SULT4A1: variants seen among roughly 807,000 people sequenced by gnomAD.
SULT4A1 encodes sulfotransferase family 4A member 1.
A neutral mutation model predicts 35.2 loss-of-function variants in SULT4A1; 11 were observed. The ratio of observed to expected loss-of-function variants is 0.31; its 90% CI spans 0.20 to 0.52. SULT4A1 has a LOEUF of 0.52. SULT4A1 is among the 20% of genes least tolerant of loss of function. The probability of loss-of-function intolerance (pLI) is 0.97; values close to 1 mark genes in which losing one functional copy is unlikely to be tolerated. For synonymous variants in SULT4A1, 152 were observed against 151.8 expected (o/e 1.00, Z -0.01); for missense variants, 271 against 383.7 (o/e 0.71, Z 2.45).
At chr22:43,858,618 G>C (rs535900518) in intron 1 of SULT4A1, among the ~76,000 whole-genome samples, 1 of 152,278 alleles carries the variant, frequency 6.6e-6, no homozygotes, top group South Asian at 2.1e-4. Flanking sequence ...GGAACACTTT[G>C]TTACCCTGTG....
chr22:43,830,698 G>A (rs2063319092), intron 5 of SULT4A1, among the ~76,000 whole-genome samples: 1 of 152,220 alleles, frequency 6.6e-6, no homozygotes, highest in Admixed American at 6.5e-5. Flanking sequence ...AGATGACTGA[G>A]GATGAAGTGG....
intron 3 of SULT4A1, 83 bp downstream of exon 3, chr22:43,839,862 G>A (rs1465548560): frequency 6.0e-6 from 8 of 1,324,276 alleles, no homozygotes; most frequent in Admixed American, 2.0e-5. Flanking sequence ...TAAGTGCCAG[G>A]GACCTGCATG....
chr22:43,830,012 G>T (rs1376750131), intron 5 of SULT4A1, among the ~76,000 whole-genome samples: 2 of 152,218 alleles, frequency 1.3e-5, no homozygotes, highest in African/African-American at 4.8e-5. Context: ...CTGACCGCTG[G>T]TGTGGGAGTC....
chr22:43,827,516 G>C, intron 6 of SULT4A1: 1 of 1,346,250 alleles, frequency 7.4e-7, no homozygotes. Flanking sequence ...TCACCCACCT[G>C]GTTTAGGATT....
intron 4 of SULT4A1, among the ~76,000 whole-genome samples, chr22:43,836,475 A>G (rs1214839085): frequency 2.1e-5 from 3 of 141,224 alleles, no homozygotes; most frequent in African/African-American, 8.1e-5. Context: ...GATCCTGTCT[A>G]CACAGCGTCC....
intron 1 of SULT4A1, among the ~76,000 whole-genome samples, chr22:43,849,811 C>T (rs1440594881): frequency 1.3e-5 from 2 of 152,186 alleles, no homozygotes; most frequent in South Asian, 4.1e-4. Flanking sequence ...AGAAGGCAGC[C>T]GCCTCACATG....
chr22:43,845,587 C>T (rs1003827672), intron 1 of SULT4A1, among the ~76,000 whole-genome samples: 26 of 152,180 alleles, frequency 1.7e-4, no homozygotes, highest in African/African-American at 5.1e-4. Context: ...CTGCTTCCTA[C>T]GAGGGCTCCT....
At chr22:43,827,707 C>A in intron 6 of SULT4A1, 2 of 1,260,760 alleles carry the variant, frequency 1.6e-6, no homozygotes, top group South Asian at 2.4e-5. Flanking sequence ...AAAGCAAACC[C>A]AAGGGAAGGA....
At position 43,862,382 on chromosome 22, in the gene SULT4A1, T is replaced by TGCCGCCGCCGTCGCCGTCGCC. The variant is rs1227111960; in HGVS notation, c.-21_-1dup. The TGCCGCCGCCGTCGCCGTCGCC allele has an allele frequency of 2.2e-6, 3 of 1,333,530 alleles. No individual in the cohort carries two copies. In the South Asian group the frequency reaches 5.7e-5, roughly 25 times the overall value. 82.6% of individuals were successfully genotyped at this position (1,333,530 alleles called of 1,614,324 possible). A position where few individuals can be genotyped will look rare whatever the true frequency, so the allele number is the denominator to read the frequency against. On this transcript the variant is annotated 5_prime_UTR_variant, in exon 1 of 7. Coordinates refer to ENST00000330884, the MANE Select transcript of SULT4A1 (RefSeq NM_014351.4). ...GGGGTCTCGGCCTCGCTCTCCGCCA[T>TGCCGCCGCCGTCGCCGTCGCC]GCCGCCGCCGTCGCCGTCGCCGCCG...
chr22:43,862,453 G>T lies in SULT4A1; in HGVS notation c.-71C>A. On this transcript the variant is annotated 5_prime_UTR_variant, in exon 1 of 7. Transcript: ENST00000330884. Reference sequence around the variant, plus strand: ...CGCACGCGCCCGCGCCCGCGCCCGCGCCCGCGCCCCGCACACGCTCGCGCC... The same window carrying T: ...CGCACGCGCCCGCGCCCGCGCCCGCTCCCGCGCCCCGCACACGCTCGCGCC... The T allele has an allele frequency of 4.2e-6, 4 of 959,970 alleles. No individual in the cohort carries two copies. Among genetic ancestry groups the T allele is most frequent in the Non-Finnish European group, 4.9e-6 (4 of 811,964 alleles). 59.5% of individuals were successfully genotyped at this position (959,970 alleles called of 1,614,324 possible).
chr22:43,839,647 A>G (rs890420444), intron 3 of SULT4A1, among the ~76,000 whole-genome samples: 1 of 152,216 alleles, frequency 6.6e-6, no homozygotes, highest in African/African-American at 2.4e-5. Context: ...GATGCAATTG[A>G]AAAACAAAGA....
intron 2 of SULT4A1, among the ~76,000 whole-genome samples, chr22:43,840,968 C>G (rs1327785811): frequency 6.6e-6 from 1 of 152,224 alleles, no homozygotes; most frequent in Admixed American, 6.5e-5. Context: ...TGATCTGCTC[C>G]CCTCCCAGCG....
chr22:43,856,018 T>TGAAGCAAGA (rs1401108769), intron 1 of SULT4A1, among the ~76,000 whole-genome samples: 2 of 152,342 alleles, frequency 1.3e-5, no homozygotes, highest in East Asian at 3.9e-4. Context: ...ACAGAACCTC[T>TGAAGCAAGA]GAAGCCAGAG....
intron 1 of SULT4A1, among the ~76,000 whole-genome samples, chr22:43,844,021 T>C (rs920133283): frequency 3.3e-5 from 5 of 152,080 alleles, no homozygotes; most frequent in Non-Finnish European, 7.4e-5. Flanking sequence ...AGTGCTGGAA[T>C]TGAACTGGAC....
intron 2 of SULT4A1, among the ~76,000 whole-genome samples, chr22:43,840,541 G>A (rs939861894): frequency 2.0e-5 from 3 of 152,114 alleles, no homozygotes; most frequent in Admixed American, 1.3e-4. Flanking sequence ...CTGCTCAGGG[G>A]GCCTGGGAGC....
Position 43,826,088 on chromosome 22 carries a change from G to T in SULT4A1, c.768C>A (p.Ile256=). 2 of 1,614,208 alleles carry T rather than the reference G, an allele frequency of 1.2e-6. No homozygotes were observed. The highest frequency in any genetic ancestry group is 1.7e-6 in the Non-Finnish European group (2 of 1,180,036). ...ACTTCTCATTCATGGAGACGGTGAA[G>T]ATGTCCTTCCACAGCCCAACTCTTC... ...GRGRVGLWKD[I]FTVSMNEKFD... Residue 256 remains isoleucine, a synonymous_variant, in exon 7 of 7, where the codon ATC becomes ATA. Coordinates refer to ENST00000330884, the MANE Select transcript of SULT4A1 (RefSeq NM_014351.4).
Position 43,862,388 on chromosome 22 carries a change from C to T in SULT4A1, c.-6G>A. 7.8e-7 allele frequency: 1 copy of T among 1,279,716 alleles called. No homozygotes were observed. The allele number at this position is 1,279,716 out of a possible 1,614,324, so 79.3% of individuals were successfully genotyped here. A position where few individuals can be genotyped will look rare whatever the true frequency, so the allele number is the denominator to read the frequency against. ...TCGGCCTCGCTCTCCGCCATGCCGC[C>T]GCCGTCGCCGTCGCCGCCGCCGCCT... On this transcript the variant is annotated 5_prime_UTR_variant, in exon 1 of 7. Coordinates refer to ENST00000330884, the MANE Select transcript of SULT4A1 (RefSeq NM_014351.4).
intron 1 of SULT4A1, 61 bp from the exon 2 acceptor site, chr22:43,841,993 C>A: frequency 1.3e-6 from 2 of 1,568,148 alleles, no homozygotes; most frequent in Non-Finnish European, 8.7e-7. Flanking sequence ...CGGCCCTGTG[C>A]TCGGGTCAAC....
At chr22:43,855,304 G>C (rs1456494899) in intron 1 of SULT4A1, among the ~76,000 whole-genome samples, 3 of 152,208 alleles carry the variant, frequency 2.0e-5, no homozygotes, top group Non-Finnish European at 4.4e-5. Context: ...AAAGTTGTGA[G>C]GATGGGGAGG....
Sources: gnomAD v4.1 joint callset for allele counts (sites outside exome capture counted in the v4.1 genomes callset) on GRCh38, gnomAD v4.1.1 for gene constraint, MANE v1.5 for transcripts, NCBI Gene and HGNC (gene_info 2026-07-23, HGNC 2026-07-21) for gene names.